The following SLC38A12 variants were observed in gnomAD, a reference collection of about 807,000 sequenced individuals.
SLC38A12 encodes the protein putative sodium-coupled neutral amino acid transporter 12.
the SLC38A12 span, chr17:74,836,928 G>A: frequency 3.3e-5 from 44 of 1,343,874 alleles, 1 homozygote; most frequent in South Asian, 4.9e-4. This position sits in a 1 kb window ranked among gnomAD's most constrained non-coding sequence, Gnocchi z 4.2. Context: ...ACGCGTGGCT[G>A]CTCCCAAGTT....
chr17:74,785,292 A>G, the SLC38A12 span, among the ~76,000 whole-genome samples: 6 of 152,164 alleles, frequency 3.9e-5, no homozygotes, highest in Admixed American at 6.5e-5. Context: ...TGTTTGGTTA[A>G]CAGGCTCTGT....
the SLC38A12 span, among the ~76,000 whole-genome samples, chr17:74,820,827 T>C: frequency 6.6e-6 from 1 of 152,150 alleles, no homozygotes; most frequent in Non-Finnish European, 1.5e-5. Context: ...CTGATCCTGA[T>C]TCCATGCCAG....
At chr17:74,833,995 C>G in the SLC38A12 span, among the ~76,000 whole-genome samples, 2 of 152,172 alleles carry the variant, frequency 1.3e-5, no homozygotes, top group South Asian at 4.1e-4. Flanking sequence ...GTAGCCCTTT[C>G]TGGCTCACAG....
chr17:74,831,630 T>C, the SLC38A12 span, among the ~76,000 whole-genome samples: 2 of 152,122 alleles, frequency 1.3e-5, no homozygotes, highest in Non-Finnish European at 2.9e-5. Flanking sequence ...CAGTGTGCAA[T>C]TGTGGGTGGA....
the SLC38A12 span, among the ~76,000 whole-genome samples, chr17:74,805,087 G>A: frequency 6.6e-6 from 1 of 152,274 alleles, no homozygotes; most frequent in African/African-American, 2.4e-5. The surrounding 1 kb of genome is among the most constrained non-coding windows in gnomAD (Gnocchi z 5.0). Flanking sequence ...CAGTTCTGAG[G>A]AGAATTCTGT....
the SLC38A12 span, chr17:74,836,313 GC>G: frequency 8.7e-6 from 14 of 1,612,850 alleles, no homozygotes; most frequent in Non-Finnish European, 1.2e-5. The surrounding 1 kb of genome is among the most constrained non-coding windows in gnomAD (Gnocchi z 4.2). Context: ...CCCCATCATT[GC>G]CGTGACCCTG....
At chr17:74,779,634 T>C in the SLC38A12 span, among the ~76,000 whole-genome samples, 1 of 152,226 alleles carries the variant, frequency 6.6e-6, no homozygotes, top group Non-Finnish European at 1.5e-5. Flanking sequence ...TCACTGCTGA[T>C]GCTGGCTGCT....
chr17:74,819,346 A>G, the SLC38A12 span, among the ~76,000 whole-genome samples: 1 of 152,228 alleles, frequency 6.6e-6, no homozygotes, highest in Non-Finnish European at 1.5e-5. Flanking sequence ...AGTCAGAGAC[A>G]TGGCTGGTGC....
the SLC38A12 span, chr17:74,795,621 C>T: frequency 2.5e-6 from 4 of 1,613,324 alleles, no homozygotes; most frequent in Admixed American, 3.3e-5. Context: ...GGACGCCTAC[C>T]GCATCTACTT....
At chr17:74,824,735 T>C in the SLC38A12 span, among the ~76,000 whole-genome samples, 3 of 152,190 alleles carry the variant, frequency 2.0e-5, no homozygotes, top group African/African-American at 7.2e-5. Context: ...TGCATCTGTG[T>C]TCCCCTCAAA....
the SLC38A12 span, among the ~76,000 whole-genome samples, chr17:74,779,844 C>A: frequency 4.6e-5 from 7 of 152,208 alleles, no homozygotes; most frequent in Non-Finnish European, 1.0e-4. Flanking sequence ...CAAGGATGTT[C>A]GCTTTAGCTT....
At chr17:74,821,122 T>C in the SLC38A12 span, among the ~76,000 whole-genome samples, 2 of 152,124 alleles carry the variant, frequency 1.3e-5, no homozygotes. Flanking sequence ...CTCTGAGGGG[T>C]TGTATGTCAG....
chr17:74,838,402 C>A, the SLC38A12 span: 2 of 1,004,822 alleles, frequency 2.0e-6, no homozygotes, highest in Non-Finnish European at 2.4e-6. Context: ...ACATCTGGAA[C>A]TACCCTTCTC....
At chr17:74,834,798 A>T in the SLC38A12 span, among the ~76,000 whole-genome samples, 5 of 152,242 alleles carry the variant, frequency 3.3e-5, no homozygotes, top group Non-Finnish European at 7.3e-5. Flanking sequence ...AGGCTGTCAG[A>T]TATGTTCTGA....
chr17:74,821,105 C>T, the SLC38A12 span, among the ~76,000 whole-genome samples: 2 of 152,228 alleles, frequency 1.3e-5, no homozygotes, highest in Non-Finnish European at 2.9e-5. Flanking sequence ...ATGAGGCTCC[C>T]ACTCCACTCT....
At chr17:74,788,915 A>G in the SLC38A12 span, 2 of 1,574,246 alleles carry the variant, frequency 1.3e-6, no homozygotes, top group Non-Finnish European at 1.7e-6. Flanking sequence ...CTGTTCCGTC[A>G]GGTACCCAGC....
chr17:74,835,671 C>T, the SLC38A12 span, among the ~76,000 whole-genome samples: 5 of 152,306 alleles, frequency 3.3e-5, no homozygotes, highest in African/African-American at 9.6e-5. Context: ...TGCCACTGGC[C>T]CCACTGCAGC....
the SLC38A12 span, chr17:74,819,680 A>G: frequency 1.4e-6 from 2 of 1,471,968 alleles, no homozygotes; most frequent in East Asian, 4.5e-5. Flanking sequence ...CGTGAGCAGC[A>G]GCGTCTTCCG....
the SLC38A12 span, among the ~76,000 whole-genome samples, chr17:74,807,079 C>T: frequency 6.6e-6 from 1 of 152,180 alleles, no homozygotes; most frequent in East Asian, 1.9e-4. Flanking sequence ...GCCCCAGTCT[C>T]CTGGAGCCTT....
Sources: allele counts gnomAD v4.1 joint callset (sites outside exome capture counted in the v4.1 genomes callset), GRCh38; gene constraint gnomAD v4.1.1; non-coding constraint Gnocchi (gnomAD v3.1); transcripts MANE v1.5; gene names NCBI Gene and HGNC (gene_info 2026-07-23, HGNC 2026-07-21).